The following PLEC variants were observed in gnomAD, a reference collection of about 807,000 sequenced individuals.
PLEC encodes hemidesmosomal protein 1.
A neutral mutation model predicts 392.8 loss-of-function variants in PLEC; 216 were observed. The ratio of observed to expected loss-of-function variants is 0.55; its 90% CI spans 0.49 to 0.62. The LOEUF is 0.62. Ranked by LOEUF, PLEC falls within the 20% of genes least tolerant of loss-of-function variation. The pLI, the probability that PLEC is intolerant of heterozygous loss-of-function variation, is 0.00. For synonymous variants in PLEC, 3,621 were observed against 2,980.6 expected (o/e 1.21, Z -7.00); for missense variants, 6,863 against 6,563.4 (o/e 1.05, Z -1.58).
chr8:143,926,804 G>A lies in PLEC; in HGVS notation c.4024C>T (p.Arg1342Trp), dbSNP rs369706837. 3.2e-5 allele frequency: 51 copies of A among 1,613,566 alleles called. No individual in the cohort carries two copies. Among genetic ancestry groups the A allele is most frequent in the Admixed American group, 1.7e-4 (10 of 60,024 alleles). The change falls in exon 30 of 32, where the codon CGG (arginine) becomes TGG (tryptophan). Residue 1342 changes from arginine to tryptophan, a missense_variant. Physicochemically the swap from Arg to Trp is moderately radical, Grantham distance 101. Transcript: ENST00000345136. The part of the protein sequence containing the change: ...QYIKFISETL[R>W]RMEEEERLAE... ...TGTACCTCCTCCTCCTCCATGCGCC[G>A]CAGAGTCTCGCTGATGAACTTGATG...
upstream of PLEC, among the ~76,000 whole-genome samples, chr8:143,954,602 C>G (rs1420043982): frequency 6.6e-6 from 1 of 152,236 alleles, no homozygotes; most frequent in Non-Finnish European, 1.5e-5. This position sits in a 1 kb window ranked among gnomAD's most constrained non-coding sequence, Gnocchi z 4.6. Context: ...ATCCAACCAC[C>G]CCTATGGCTA....
chr8:143,950,962 G>T, upstream of PLEC: 1 of 687,628 alleles, frequency 1.5e-6, no homozygotes, highest in Non-Finnish European at 2.3e-6. Context: ...CGCCGGGCCG[G>T]CCCCCTCTGA....
At position 143,918,907 on chromosome 8, in the gene PLEC, G is replaced by A. The variant is rs782750813; in HGVS notation, c.10914C>T (p.Ala3638=). ...GGCGGCGGCGCACGTAGTCGTAGGA[G>A]GCCAGACCCTGCTGGCGGATGATCT... is the stretch of plus-strand genomic sequence containing the variant. ...KTEIIRQQGL[A]SYDYVRRRLT... The change falls in exon 32 of 32, where the codon GCC becomes GCT. Residue 3638 remains alanine (A), a synonymous_variant. Transcript: ENST00000345136. The A allele has an allele frequency of 6.2e-6, 10 of 1,611,502 alleles. No homozygotes were observed. The South Asian group carries it at 6.6e-5, about 11-fold the overall frequency.
In PLEC at chr8:143,929,227, C is replaced by G. The variant is rs781823745; in HGVS notation, c.3136G>C (p.Glu1046Gln). 11 of 1,602,550 alleles carry G rather than the reference C, an allele frequency of 6.9e-6. No individual in the cohort carries two copies. Among genetic ancestry groups the G allele is most frequent in the Non-Finnish European group, 9.3e-6 (11 of 1,178,950 alleles). ...GGTAGGGCCAAGACCTTCTCGGCCT[C>G]GGCAGAGAGCCGGGCGACCCCCTTG... ...LGKGVARLSAEAEKVLALPEP... is the reference protein window; with the variant it reads ...LGKGVARLSAQAEKVLALPEP... Residue 1046 changes from glutamate to glutamine, a missense_variant, in exon 25 of 32, where the codon GAG (glutamate) becomes CAG (glutamine). Glu to Gln is a conservative substitution (Grantham distance 29, BLOSUM62 2). Transcript: ENST00000345136.
Position 143,922,581 on chromosome 8 carries a change from C to T in PLEC, c.7348G>A (p.Glu2450Lys). 2 of 1,613,574 alleles carry T rather than the reference C, an allele frequency of 1.2e-6. No individual in the cohort carries two copies. Among genetic ancestry groups the T allele is most frequent in the Non-Finnish European group, 1.7e-6 (2 of 1,179,968 alleles). The change falls in exon 31 of 32, where the codon GAG (glutamate) becomes AAG (lysine). Residue 2450 changes from glutamate to lysine, a missense_variant. Coordinates refer to ENST00000345136, the MANE Select transcript of PLEC (RefSeq NM_201384.3). ...QSDHDAERLREAIAELEREKE... is the reference protein window; with the variant it reads ...QSDHDAERLRKAIAELEREKE... ...TCACGCTCCAGCTCAGCGATGGCCT[C>T]CCGCAGGCGCTCGGCATCATGGTCA...
chr8:143,922,478 C>A, intron 31 of PLEC, 26 bp downstream of exon 31: 1 of 1,603,770 alleles, frequency 6.2e-7, no homozygotes, highest in Non-Finnish European at 8.5e-7. Context: ...GGCCCACCCG[C>A]CCGTCGCACG....
At chr8:143,935,358 C>A in intron 6 of PLEC, 45 bp from the exon 7 acceptor site, 1 of 1,355,918 alleles carries the variant, frequency 7.4e-7, no homozygotes. Context: ...ACAAGACCAG[C>A]GGCCACACCA....
Position 143,939,585 on chromosome 8 carries a change from A to C in PLEC, c.-124T>G. ...CGAGACGCTCACTCGGCACAGGCTC[A>C]GCTCAGAGCCCCAGTCGGTGCGGCC... On this transcript the variant is annotated 5_prime_UTR_variant, in exon 1 of 32. Transcript: ENST00000345136. 1.3e-6 allele frequency: 2 copies of C among 1,509,486 alleles called. No homozygotes were observed. The highest frequency in any genetic ancestry group is 1.8e-6 in the Non-Finnish European group (2 of 1,129,340). 93.5% of individuals were successfully genotyped at this position (1,509,486 alleles called of 1,614,324 possible). A position where few individuals can be genotyped will look rare whatever the true frequency, so the allele number is the denominator to read the frequency against.
intron 3 of PLEC, chr8:143,937,531 G>A (rs1182220298): frequency 3.7e-6 from 2 of 542,210 alleles, no homozygotes; most frequent in South Asian, 3.9e-5. Context: ...GGCACTAAAG[G>A]GGGGGTCCTC....
chr8:143,923,236 G>T lies in PLEC; in HGVS notation c.6693C>A (p.Phe2231Leu), dbSNP rs782397016. The change falls in exon 31 of 32, where the codon TTC becomes TTA. Residue 2231 changes from phenylalanine (F) to leucine (L), a missense_variant. Phe to Leu is a conservative substitution (Grantham distance 22). Coordinates refer to ENST00000345136, the MANE Select transcript of PLEC (RefSeq NM_201384.3). ...GCTCCTCCATCTGCACGCGCACCGA[G>T]AAGAGCTCCTCCTCCACCTGGCTGC... ...RQRSQVEEEL[F>L]SVRVQMEELS... is the part of the protein sequence containing the mutation. 1 of 1,604,362 alleles carries T rather than the reference G, an allele frequency of 6.2e-7. No individual in the cohort carries two copies. Among genetic ancestry groups the T allele is most frequent in the South Asian group, 1.1e-5 (1 of 91,070 alleles).
Position 143,925,062 on chromosome 8 carries a change from C to T in PLEC, c.4867G>A (p.Ala1623Thr). Reference sequence around the variant, plus strand: ...AGCTCCCGCTCTGCCTCCTCGCGCGCCCGCTCGGCCTCGGCCTGCTGCTGT... The same window carrying T: ...AGCTCCCGCTCTGCCTCCTCGCGCGTCCGCTCGGCCTCGGCCTGCTGCTGT... ...RAQQQAEAER[A>T]REEAERELER... is the part of the protein sequence containing the mutation. The change falls in exon 31 of 32, where the codon GCG becomes ACG. Residue 1623 changes from alanine (A) to threonine (T), a missense_variant. Physicochemically the swap from Ala to Thr is moderately conservative, Grantham distance 58. Coordinates refer to ENST00000345136, the MANE Select transcript of PLEC (RefSeq NM_201384.3). 1.3e-6 allele frequency: 2 copies of T among 1,542,150 alleles called. No individual in the cohort carries two copies. Among genetic ancestry groups the T allele is most frequent in the Non-Finnish European group, 1.7e-6 (2 of 1,150,704 alleles).
chr8:143,947,582 TA>T lies in PLEC; in HGVS notation c.523+2601del, dbSNP rs1317332056. On this transcript the variant is annotated intron_variant, in intron 1 of 31. Transcript: ENST00000322810. ...CAACATGGCGAAACCCCGTCTCTAC[TA>T]AAAAAAAAAAACAAAAATTAGCCAG... Among the ~76,000 whole-genome samples the T allele has an allele frequency of 7.2e-4, 99 of 138,444 alleles. 1 individual carries two copies. The highest frequency in any genetic ancestry group is 6.5e-3 in the South Asian group (28 of 4,334). 90.8% of individuals were successfully genotyped at this position (138,444 alleles called of 152,430 possible).
At chr8:143,950,889 C>G (rs1056049594), upstream of PLEC, 44 of 1,270,734 alleles carry the variant, frequency 3.5e-5, no homozygotes, top group Non-Finnish European at 4.2e-5. Flanking sequence ...GGCTGTGTGG[C>G]TCGTGGCGCC....
At chr8:143,968,240 G>GA (rs36124674) in intron 1 of PLEC, among the ~76,000 whole-genome samples, 1 of 151,810 alleles carries the variant, frequency 6.6e-6, no homozygotes, top group Non-Finnish European at 1.5e-5. Flanking sequence ...AGCAACCAAG[G>GA]AAAAAGATAG....
chr8:143,957,934 G>A (rs1832682162), upstream of PLEC, among the ~76,000 whole-genome samples: 1 of 152,146 alleles, frequency 6.6e-6, no homozygotes, highest in Non-Finnish European at 1.5e-5. Context: ...CAGACACCCT[G>A]CTGGCAGATA....
rs189434373 is a variant in PLEC, at chr8:143,963,185, T to G, written c.70+10218A>C. Among the ~76,000 whole-genome samples, 349 of 152,278 alleles carry G rather than the reference T, an allele frequency of 2.3e-3. 1 individual carries two copies. The highest frequency in any genetic ancestry group is 7.6e-3 in the African/African-American group (317 of 41,546). ...CAGAAACACTGCCTGCTTGGATTGA[T>G]GGGAACAGAGACAGGATGAAATGAA... On this transcript the variant is annotated intron_variant, in intron 1 of 31. Transcript: ENST00000356346.
rs368027812 is a variant in PLEC at position 143,916,842 on chromosome 8, C to T, written c.12979G>A (p.Gly4327Ser). ...GCGTCGGTGACAGGGAAGCGCTCAC[C>T]GGTGCTGGGGTCGATGATGCCCCCG... ...CTGGIIDPSTGERFPVTDAVN... is the reference protein window; with the variant it reads ...CTGGIIDPSTSERFPVTDAVN... Residue 4327 changes from glycine to serine, a missense_variant, in exon 32 of 32, where the codon GGT (glycine) becomes AGT (serine). Gly to Ser is a moderately conservative substitution (Grantham distance 56, BLOSUM62 0). Transcript: ENST00000345136. 4.9e-5 allele frequency: 79 copies of T among 1,612,496 alleles called. No individual in the cohort carries two copies. Among genetic ancestry groups the T allele is most frequent in the Non-Finnish European group, 5.5e-5 (65 of 1,179,876 alleles).
intron 1 of PLEC, among the ~76,000 whole-genome samples, chr8:143,949,973 G>A (rs550600290): frequency 9.8e-5 from 15 of 152,288 alleles, no homozygotes; most frequent in Non-Finnish European, 2.1e-4. Context: ...CTACACACCC[G>A]AAGGTCCCCA....
At chr8:143,941,493 G>A (rs1344274648), upstream of PLEC, among the ~76,000 whole-genome samples, 1 of 152,134 alleles carries the variant, frequency 6.6e-6, no homozygotes, top group African/African-American at 2.4e-5. Flanking sequence ...ACTCGGGCAA[G>A]GCTGGGACCG....
Sources: allele counts gnomAD v4.1 joint callset (sites outside exome capture counted in the v4.1 genomes callset), GRCh38; gene constraint gnomAD v4.1.1; non-coding constraint Gnocchi (gnomAD v3.1); transcripts MANE v1.5; gene names NCBI Gene and HGNC (gene_info 2026-07-23, HGNC 2026-07-21).